The following RELB variants were observed in gnomAD, a reference collection of about 807,000 sequenced individuals.
The protein encoded by RELB is RELB proto-oncogene, NF-kB subunit, also known as transcription factor RelB.
A neutral mutation model predicts 55.4 loss-of-function variants in RELB; 14 were observed. That is an observed-to-expected ratio of 0.25 (90% CI 0.17 to 0.40). RELB has a LOEUF of 0.40. Ranked by LOEUF, RELB falls within the 10% of genes least tolerant of loss-of-function variation. The pLI, the probability that RELB is intolerant of heterozygous loss-of-function variation, is 1.00. For missense variants in RELB, 669 were observed against 830.7 expected (o/e 0.81, Z 2.39); for synonymous variants, 409 against 371.3 (o/e 1.10, Z -1.17).
At chr19:45,034,718 C>T (rs1228154672) in intron 11 of RELB, among the ~76,000 whole-genome samples, 190 bp downstream of exon 11, 1 of 152,134 alleles carries the variant, frequency 6.6e-6, no homozygotes, top group Non-Finnish European at 1.5e-5. Flanking sequence ...CTCTTCTGGG[C>T]CATTTCCTTG....
intron 5 of RELB, 24 bp from the exon 6 acceptor site, chr19:45,025,305 C>T (rs1198982196): frequency 8.3e-6 from 13 of 1,569,264 alleles, no homozygotes; most frequent in South Asian, 2.3e-5. Context: ...GAGCACTCCT[C>T]TCCCTCCCCC....
At chr19:45,009,843 T>G (rs941883715) in intron 3 of RELB, 21 bp downstream of exon 3, 2 of 1,596,108 alleles carry the variant, frequency 1.3e-6, no homozygotes, top group South Asian at 2.2e-5. Flanking sequence ...CAGGGCAGGT[T>G]TGCGGGGAGG....
At chr19:45,035,914 A>G (rs1162164313) in intron 11 of RELB, among the ~76,000 whole-genome samples, 3 of 152,144 alleles carry the variant, frequency 2.0e-5, no homozygotes, top group Non-Finnish European at 4.4e-5. Context: ...GGCTTCTGCC[A>G]TTTTCAGTTC....
At position 45,037,355 on chromosome 19, in the gene RELB, A is replaced by G. The variant is rs746426548; in HGVS notation, c.1355-50A>G. On this transcript the variant is annotated intron_variant, in intron 11 of 11. Transcript: ENST00000221452. ...AGGGCATTTGATTTAGGGCCTGATC[A>G]GAAGTTAGCCCTAAATCACACTACA... 1.6e-5 allele frequency: 23 copies of G among 1,480,448 alleles called. No homozygotes were observed. In the Middle Eastern group the frequency reaches 7.2e-4, roughly 46 times the overall value. The allele number at this position is 1,480,448 out of a possible 1,614,324, so 91.7% of individuals were successfully genotyped here.
At chr19:45,009,767 A>C in intron 2 of RELB, 47 bp from the exon 3 acceptor site, 1 of 1,597,258 alleles carries the variant, frequency 6.3e-7, no homozygotes, top group Non-Finnish European at 8.5e-7. Context: ...AGTTGTGACC[A>C]CTTTCTGGAC....
rs1320983829 is a variant in RELB, at chr19:45,021,864, C to T, written c.505-189C>T. ...TGCTGGGATTGCAGGCGTGAGCCAC[C>T]TCGCCCGGCCCAAAGTGGTCTTAAG... On this transcript the variant is annotated intron_variant, in intron 4 of 11. Transcript: ENST00000221452. 9.4e-6 allele frequency: 5 copies of T among 533,200 alleles called. No individual in the cohort carries two copies. In the South Asian group the frequency reaches 1.3e-4, roughly 13 times the overall value. The allele number at this position is 533,200 out of a possible 1,614,324, so 33.0% of individuals were successfully genotyped here.
At chr19:45,014,527 G>T (rs200988106) in intron 4 of RELB, among the ~76,000 whole-genome samples, 11 of 147,620 alleles carry the variant, frequency 7.5e-5, no homozygotes, top group East Asian at 4.0e-4. Flanking sequence ...TTGTTTTTTG[G>T]TTTTTTTTTT....
At chr19:45,022,916 A>T (rs1473068206) in intron 5 of RELB, among the ~76,000 whole-genome samples, 1 of 152,114 alleles carries the variant, frequency 6.6e-6, no homozygotes, top group East Asian at 1.9e-4. Flanking sequence ...ATGCTTACAC[A>T]ACATACAGTG....
chr19:45,003,041 G>T, intron 2 of RELB, 45 bp downstream of exon 2: 1 of 1,569,792 alleles, frequency 6.4e-7, no homozygotes, highest in Middle Eastern at 1.7e-4. Flanking sequence ...CATGCAGGAT[G>T]AGGTTGGGAG....
chr19:45,029,858 G>A (rs1437862907), intron 8 of RELB, among the ~76,000 whole-genome samples: 1 of 151,050 alleles, frequency 6.6e-6, no homozygotes, highest in East Asian at 2.0e-4. Flanking sequence ...TCAAAAAAAA[G>A]AAAAAAAGAA....
intron 11 of RELB, among the ~76,000 whole-genome samples, chr19:45,035,907 T>C (rs1296524312): frequency 6.6e-6 from 1 of 152,210 alleles, no homozygotes; most frequent in Non-Finnish European, 1.5e-5. Context: ...AGACCGAGGC[T>C]TCTGCCATTT....
At chr19:45,033,082 T>C (rs1320615068) in intron 9 of RELB, among the ~76,000 whole-genome samples, 1 of 152,152 alleles carries the variant, frequency 6.6e-6, no homozygotes, top group Non-Finnish European at 1.5e-5. Flanking sequence ...AGCTGTGTCC[T>C]CATGAGGCTT....
rs1400571456 is a variant in RELB, at chr19:45,037,617, G to A, written c.1567G>A (p.Ala523Thr). 1.9e-6 allele frequency: 3 copies of A among 1,603,728 alleles called. No homozygotes were observed. Among genetic ancestry groups the A allele is most frequent in the Non-Finnish European group, 2.6e-6 (3 of 1,175,808 alleles). Reference sequence around the variant, plus strand: ...TGTTGTGTGCAGCGGAGGTGCCGGGGCCGTGGTTGGGGAGACCCCCGGCCC... The same window carrying A: ...TGTTGTGTGCAGCGGAGGTGCCGGGACCGTGGTTGGGGAGACCCCCGGCCC... ...SAVVCSGGAGAVVGETPGPEP... is the reference protein window; with the variant it reads ...SAVVCSGGAGTVVGETPGPEP... Residue 523 changes from alanine (A) to threonine (T), a missense_variant, in exon 12 of 12, where the codon GCC becomes ACC. By Grantham distance (58) the Ala-to-Thr change is moderately conservative (BLOSUM62 0). Transcript: ENST00000221452.
Position 45,038,000 on chromosome 19 carries a change from A to G in RELB, c.*210A>G. Reference sequence around the variant, plus strand: ...AAACTGAGTCCGGAGAGGAAAAGGGACATGGCTCCCGTGCACTAGCTTGTT... The same window carrying G: ...AAACTGAGTCCGGAGAGGAAAAGGGGCATGGCTCCCGTGCACTAGCTTGTT... On this transcript the variant is annotated 3_prime_UTR_variant, in exon 12 of 12. Coordinates refer to ENST00000221452, the MANE Select transcript of RELB (RefSeq NM_006509.4). 2 of 454,142 alleles carry G rather than the reference A, an allele frequency of 4.4e-6. No individual in the cohort carries two copies. The highest frequency in any genetic ancestry group is 7.1e-5 in the East Asian group (2 of 28,194). The allele number at this position is 454,142 out of a possible 1,614,324, so 28.1% of individuals were successfully genotyped here. A position where few individuals can be genotyped will look rare whatever the true frequency, so the allele number is the denominator to read the frequency against.
chr19:45,037,737 C>T lies in RELB; in HGVS notation c.1687C>T (p.Arg563Cys), dbSNP rs770578374. Residue 563 changes from arginine (R) to cysteine (C), a missense_variant, in exon 12 of 12, where the codon CGC becomes TGC. By Grantham distance (180) the Arg-to-Cys change is radical. This residue lies in a region of RELB where 341 missense variants were observed against 436.8 expected (regional missense o/e 0.78). Coordinates refer to ENST00000221452, the MANE Select transcript of RELB (RefSeq NM_006509.4). The stretch of plus-strand genomic sequence containing the variant: ...CAGCAACATGTTCCCCAATCATTAC[C>T]GCGAGGCGGCCTTTGGGGGCGGCCT... The part of the protein sequence containing the change: ...VGSNMFPNHY[R>C]EAAFGGGLLS... 2.0e-6 allele frequency: 3 copies of T among 1,495,302 alleles called. No homozygotes were observed. Among genetic ancestry groups the T allele is most frequent in the Non-Finnish European group, 2.7e-6 (3 of 1,125,620 alleles). The allele number at this position is 1,495,302 out of a possible 1,614,324, so 92.6% of individuals were successfully genotyped here.
At chr19:45,023,784 T>A (rs1971522348) in intron 5 of RELB, among the ~76,000 whole-genome samples, 1 of 108,138 alleles carries the variant, frequency 9.2e-6, no homozygotes, top group Non-Finnish European at 1.7e-5. Flanking sequence ...CGAGTCTCAC[T>A]CTGTCACCCA....
chr19:45,032,508 A>G, intron 8 of RELB, 26 bp from the exon 9 acceptor site: 1 of 1,582,018 alleles, frequency 6.3e-7, no homozygotes, highest in Admixed American at 1.7e-5. Flanking sequence ...GTCCTGGCTT[A>G]GCTGATGTCC....
intron 4 of RELB, among the ~76,000 whole-genome samples, chr19:45,020,811 C>G (rs1452229679): frequency 6.6e-6 from 1 of 151,926 alleles, no homozygotes; most frequent in East Asian, 1.9e-4. Context: ...CCCGTCTCAG[C>G]CTCCCAAAGT....
chr19:45,012,406 A>G, intron 4 of RELB, 130 bp downstream of exon 4: 1 of 569,640 alleles, frequency 1.8e-6, no homozygotes, highest in South Asian at 4.9e-5. Context: ...TATTAATTAT[A>G]CTATCACCTG....
Sources: allele counts gnomAD v4.1 joint callset (sites outside exome capture counted in the v4.1 genomes callset), GRCh38; gene constraint gnomAD v4.1.1; regional missense constraint gnomAD v4.1.1; transcripts MANE v1.5; gene names NCBI Gene and HGNC (gene_info 2026-07-23, HGNC 2026-07-21).